Variants in LRRC1 observed in about 807,000 individuals in gnomAD.
LRRC1 encodes leucine rich repeat containing 1.
Under a neutral mutation model 69.9 loss-of-function variants are expected in LRRC1, and 28 were observed. The ratio of observed to expected loss-of-function variants is 0.40; its 90% CI spans 0.30 to 0.55. The LOEUF is 0.55. LRRC1 is among the 20% of genes least tolerant of loss of function. The pLI is 0.47. For missense variants in LRRC1, 498 were observed against 609.0 expected (o/e 0.82, Z 1.92); for synonymous variants, 236 against 240.2 (o/e 0.98, Z 0.16).
At chr6:53,835,717 G>T (rs1765595059) in intron 1 of LRRC1, among the ~76,000 whole-genome samples, 2 of 152,128 alleles carry the variant, frequency 1.3e-5, no homozygotes, top group Admixed American at 6.5e-5. Context: ...TTTATTCAGT[G>T]TATTATTTTC....
chr6:53,818,406 A>G (rs1006802790), intron 1 of LRRC1, among the ~76,000 whole-genome samples: 18 of 152,330 alleles, frequency 1.2e-4, no homozygotes, highest in African/African-American at 4.3e-4. Context: ...GCAAAAAAGA[A>G]AGGAAAAAGA....
intron 1 of LRRC1, among the ~76,000 whole-genome samples, chr6:53,804,070 A>G (rs1331884374): frequency 6.6e-6 from 1 of 152,164 alleles, no homozygotes; most frequent in East Asian, 1.9e-4. Flanking sequence ...AATGCCTTTG[A>G]GGCTCATGTT....
intron 1 of LRRC1, among the ~76,000 whole-genome samples, chr6:53,834,338 C>T (rs1223351193): frequency 6.6e-6 from 1 of 152,192 alleles, no homozygotes; most frequent in South Asian, 2.1e-4. Flanking sequence ...GTTTCATTAG[C>T]ATGCTCTTTT....
Position 53,903,291 on chromosome 6 carries a change from G to T in LRRC1, c.906+544G>T, listed in dbSNP as rs535867423. Among the ~76,000 whole-genome samples the T allele has an allele frequency of 2.0e-5, 3 of 152,180 alleles. No individual in the cohort carries two copies. In the South Asian group the frequency reaches 6.2e-4, roughly 32 times the overall value. ...AACTTGGAAGTGGAGGGGACTGGAGGGGTCCTCTACCTGGACCAGGCTCCC... is the reference window on the plus strand; with the variant it reads ...AACTTGGAAGTGGAGGGGACTGGAGTGGTCCTCTACCTGGACCAGGCTCCC... On this transcript the variant is annotated intron_variant, in intron 9 of 13. Coordinates refer to ENST00000370888, the MANE Select transcript of LRRC1 (RefSeq NM_018214.5).
At chr6:53,918,755 G>A (rs1022018536) in intron 11 of LRRC1, among the ~76,000 whole-genome samples, 1 of 152,172 alleles carries the variant, frequency 6.6e-6, no homozygotes, top group Non-Finnish European at 1.5e-5. Context: ...AAATCTTTGT[G>A]CAAACATAAA....
chr6:53,904,664 G>T lies in LRRC1; in HGVS notation c.990+202G>T, dbSNP rs1054688959. The T allele has an allele frequency of 4.2e-5, 14 of 331,870 alleles. No homozygotes were observed. In the East Asian group the frequency reaches 7.2e-4, roughly 17 times the overall value. 20.6% of individuals were successfully genotyped at this position (331,870 alleles called of 1,614,324 possible). On this transcript the variant is annotated intron_variant, in intron 10 of 13. Coordinates refer to ENST00000370888, the MANE Select transcript of LRRC1 (RefSeq NM_018214.5). ...GTAACATTAAGGAGAGTTGGAAAAGGTGAATTTATAGGATTTTAAATGGGA... is the reference window on the plus strand; with the variant it reads ...GTAACATTAAGGAGAGTTGGAAAAGTTGAATTTATAGGATTTTAAATGGGA...
At chr6:53,856,804 G>A (rs7453639) in intron 2 of LRRC1, among the ~76,000 whole-genome samples, 54,827 of 151,974 alleles carry the variant, frequency 0.36, 10,465 homozygotes, top group East Asian at 0.64. Context: ...GCATGAAGTC[G>A]ATTAAGGACA....
At chr6:53,878,541 G>A (rs1767150984) in intron 2 of LRRC1, among the ~76,000 whole-genome samples, 1 of 152,188 alleles carries the variant, frequency 6.6e-6, no homozygotes, top group Non-Finnish European at 1.5e-5. Context: ...TAGGGCTCAT[G>A]CTCTTATGAG....
chr6:53,922,021 A>G (rs1768756157), intron 13 of LRRC1, among the ~76,000 whole-genome samples: 1 of 152,346 alleles, frequency 6.6e-6, no homozygotes, highest in South Asian at 2.1e-4. Flanking sequence ...AGATCATGTA[A>G]CATATTAAAT....
rs966581439 is a variant in LRRC1, at chr6:53,861,184, A to T, written c.278-17809A>T. On this transcript the variant is annotated intron_variant, in intron 2 of 13. Transcript: ENST00000370888. ...TTGAACCTAAAATAGAAGTTAAAAA[A>T]AAATAAAATAAAATGGCCAGGTCCT... 2.8e-4 allele frequency among the ~76,000 whole-genome samples: 43 copies of T among 152,082 alleles called. 2 individuals carry two copies. Among genetic ancestry groups the T allele is most frequent in the Admixed American group, 2.4e-3 (36 of 15,262 alleles).
At chr6:53,823,747 GT>G (rs555736520) in intron 1 of LRRC1, among the ~76,000 whole-genome samples, 3 of 151,950 alleles carry the variant, frequency 2.0e-5, no homozygotes, top group African/African-American at 7.3e-5. Context: ...GCAATATTTG[GT>G]TTTCTCCTCC....
At chr6:53,837,616 GT>G (rs1765650525) in intron 1 of LRRC1, among the ~76,000 whole-genome samples, 1 of 152,132 alleles carries the variant, frequency 6.6e-6, no homozygotes, top group Admixed American at 6.5e-5. Context: ...AATGGTTTAT[GT>G]TTTCTCTATA....
chr6:53,851,848 A>C (rs540220723), intron 2 of LRRC1, among the ~76,000 whole-genome samples: 1 of 152,220 alleles, frequency 6.6e-6, no homozygotes, highest in Non-Finnish European at 1.5e-5. Flanking sequence ...AACTGCACAT[A>C]AATGCATAAA....
At position 53,813,583 on chromosome 6, in the gene LRRC1, G is replaced by A. The variant is rs964319526; in HGVS notation, c.159+18168G>A. ...TTCTGGAAATCAGTTTTTACGTGCA[G>A]TTTCCTGATTTTTAAGTGTTCAGTA... On this transcript the variant is annotated intron_variant, in intron 1 of 13. Coordinates refer to ENST00000370888, the MANE Select transcript of LRRC1 (RefSeq NM_018214.5). Among the ~76,000 whole-genome samples the A allele has an allele frequency of 7.4e-5, 10 of 134,470 alleles. No individual in the cohort carries two copies. The East Asian group carries it at 2.4e-3, about 32-fold the overall frequency. The allele number at this position is 134,470 out of a possible 152,430, so 88.2% of individuals were successfully genotyped here. A position where few individuals can be genotyped will look rare whatever the true frequency, so the allele number is the denominator to read the frequency against.
chr6:53,849,895 T>C (rs1766071582), intron 2 of LRRC1, among the ~76,000 whole-genome samples: 1 of 152,102 alleles, frequency 6.6e-6, no homozygotes, highest in Non-Finnish European at 1.5e-5. Context: ...AACTTGAGTT[T>C]ACAATGAGCT....
chr6:53,855,115 A>C (rs571082152), intron 2 of LRRC1, among the ~76,000 whole-genome samples: 3 of 152,340 alleles, frequency 2.0e-5, no homozygotes, highest in South Asian at 2.1e-4. Flanking sequence ...ACCCAGGGCC[A>C]TGTAGGTACA....
rs149391309 is a variant in LRRC1, at chr6:53,901,826, C to T, written c.788-803C>T. Among the ~76,000 whole-genome samples, 653 of 152,348 alleles carry T rather than the reference C, an allele frequency of 4.3e-3. 6 individuals are homozygous for T. Among genetic ancestry groups the T allele is most frequent in the African/African-American group, 0.015 (608 of 41,578 alleles). On this transcript the variant is annotated intron_variant, in intron 8 of 13. Coordinates refer to ENST00000370888, the MANE Select transcript of LRRC1 (RefSeq NM_018214.5). ...TAAAGAGCTTAAGAATTGGTTCCTT[C>T]TCCTATCTTGCCCTGTGGCTGCACC...
At chr6:53,884,508 G>T (rs552900311) in intron 4 of LRRC1, among the ~76,000 whole-genome samples, 23 of 151,962 alleles carry the variant, frequency 1.5e-4, no homozygotes, top group African/African-American at 5.5e-4. Flanking sequence ...CCCCATCCCC[G>T]CTTTGCCCCC....
chr6:53,835,257 A>G (rs1387743886), intron 1 of LRRC1, among the ~76,000 whole-genome samples: 2 of 152,246 alleles, frequency 1.3e-5, no homozygotes, highest in African/African-American at 2.4e-5. Context: ...GGCAACTGCT[A>G]ATCTACTTTC....
Sources: allele counts gnomAD v4.1 joint callset (sites outside exome capture counted in the v4.1 genomes callset), GRCh38; gene constraint gnomAD v4.1.1; transcripts MANE v1.5; gene names NCBI Gene and HGNC (gene_info 2026-07-23, HGNC 2026-07-21).